The following RPF2 variants were observed in gnomAD, a reference collection of about 807,000 sequenced individuals.
RPF2 encodes brix domain containing 1.
RPF2 carries 21 observed loss-of-function variants against 38.9 expected under a neutral mutation model. The observed-to-expected ratio is 0.54, with a 90% CI of 0.38 to 0.78. The LOEUF is 0.78. Among genes scored for constraint, RPF2 ranks in the 30% least tolerant of loss-of-function variants. RPF2 has a pLI of 0.00. For synonymous variants in RPF2, 121 were observed against 126.2 expected (o/e 0.96, Z 0.28); for missense variants, 314 against 358.1 (o/e 0.88, Z 0.99).
intron 8 of RPF2, among the ~76,000 whole-genome samples, chr6:111,017,293 G>C (rs9400455): frequency 6.7e-6 from 1 of 150,194 alleles, no homozygotes; most frequent in African/African-American, 2.4e-5. Flanking sequence ...CGGACGGGGC[G>C]GCGGCTGGGC....
chr6:111,024,775 G>A (rs920121271), intron 9 of RPF2, among the ~76,000 whole-genome samples: 2 of 150,908 alleles, frequency 1.3e-5, no homozygotes, highest in Non-Finnish European at 2.9e-5. Flanking sequence ...GACTCACAGA[G>A]CCAGGAAAAG....
chr6:111,021,244 G>T (rs1211524135), intron 8 of RPF2, among the ~76,000 whole-genome samples: 1 of 152,096 alleles, frequency 6.6e-6, no homozygotes, highest in African/African-American at 2.4e-5. Context: ...AAATCTGATT[G>T]CTAGAATCAC....
intron 9 of RPF2, 83 bp from the exon 10 acceptor site, chr6:111,025,320 C>T (rs1279389341): frequency 1.7e-5 from 15 of 901,836 alleles, no homozygotes; most frequent in Non-Finnish European, 2.6e-5. Context: ...GAAATTGCTA[C>T]TAAGATAGTT....
chr6:111,026,982 A>T lies in RPF2; in HGVS notation c.*1400A>T, dbSNP rs1173047502. ...CAACCTCCACCTCCCAGGTTCAAGC[A>T]TTCTTCTGCCTCAGCCTCCCGAGTA... On this transcript the variant is annotated 3_prime_UTR_variant, in exon 10 of 10. Transcript: ENST00000441448. The T allele has an allele frequency of 6.6e-6, 1 of 152,188 alleles. No individual in the cohort carries two copies. The highest frequency in any genetic ancestry group is 1.5e-5 in the Non-Finnish European group (1 of 68,080). 9.4% of individuals were successfully genotyped at this position (152,188 alleles called of 1,614,324 possible).
intron 8 of RPF2, among the ~76,000 whole-genome samples, chr6:111,021,268 C>T (rs76264010): frequency 0.016 from 2,383 of 152,190 alleles, 29 homozygotes; most frequent in Non-Finnish European, 0.024. Flanking sequence ...TACACTAGCA[C>T]GACATCTTTC....
intron 1 of RPF2, among the ~76,000 whole-genome samples, chr6:110,984,182 AC>A (rs1771483499): frequency 6.6e-6 from 1 of 152,190 alleles, no homozygotes; most frequent in South Asian, 2.1e-4. Context: ...TTGGAGTGCA[AC>A]AGTGTATACT....
At chr6:110,997,958 G>A (rs1771746921) in intron 5 of RPF2, among the ~76,000 whole-genome samples, 2 of 150,518 alleles carry the variant, frequency 1.3e-5, no homozygotes, top group Non-Finnish European at 3.0e-5. Context: ...AGACTGGAGT[G>A]CAATGGCCCA....
At chr6:111,002,905 A>G (rs1387458884) in intron 6 of RPF2, among the ~76,000 whole-genome samples, 1 of 151,744 alleles carries the variant, frequency 6.6e-6, no homozygotes, top group Non-Finnish European at 1.5e-5. Context: ...AGTAGCCGGG[A>G]TTACAGGCGC....
At chr6:111,007,176 C>T (rs999226932) in intron 6 of RPF2, among the ~76,000 whole-genome samples, 2 of 152,218 alleles carry the variant, frequency 1.3e-5, no homozygotes, top group Non-Finnish European at 2.9e-5. Flanking sequence ...AGCCGTCACA[C>T]CTGGCCTTAA....
chr6:110,995,415 C>G (rs1206388851), intron 4 of RPF2, among the ~76,000 whole-genome samples: 2 of 152,098 alleles, frequency 1.3e-5, no homozygotes, highest in Admixed American at 1.3e-4. Flanking sequence ...TCTGCATCCC[C>G]CACTCTGGTT....
chr6:110,991,699 A>G (rs754918509), intron 3 of RPF2, 48 bp from the exon 4 acceptor site: 14 of 655,710 alleles, frequency 2.1e-5, no homozygotes, highest in Middle Eastern at 4.3e-4. Context: ...TATTAATTGT[A>G]TATACTTATT....
At chr6:111,016,714 T>A (rs1418716293) in intron 8 of RPF2, among the ~76,000 whole-genome samples, 1 of 145,714 alleles carries the variant, frequency 6.9e-6, no homozygotes, top group Non-Finnish European at 1.5e-5. Flanking sequence ...TTGATCATTC[T>A]TGGGTGTTTC....
In RPF2 at chr6:111,027,826, C is replaced by T. The variant is rs1562379324; in HGVS notation, c.*2244C>T. 6.6e-6 allele frequency: 1 copy of T among 152,134 alleles called. No individual in the cohort carries two copies. The allele number at this position is 152,134 out of a possible 1,614,324, so 9.4% of individuals were successfully genotyped here. A position where few individuals can be genotyped will look rare whatever the true frequency, so the allele number is the denominator to read the frequency against. On this transcript the variant is annotated 3_prime_UTR_variant, in exon 10 of 10. Coordinates refer to ENST00000441448, the MANE Select transcript of RPF2 (RefSeq NM_032194.3). ...TAGTATTATTGAAGTCTAACAAAGA[C>T]TTTTTGTTGAGAACACCTTGTAGTG... is the stretch of plus-strand genomic sequence containing the variant.
At chr6:110,992,813 A>G (rs1233994896) in intron 4 of RPF2, among the ~76,000 whole-genome samples, 1 of 152,182 alleles carries the variant, frequency 6.6e-6, no homozygotes, top group East Asian at 1.9e-4. Flanking sequence ...ACAGTAGCTC[A>G]CGCCTGTAAT....
At chr6:110,990,898 TG>T (rs1000212519) in intron 3 of RPF2, among the ~76,000 whole-genome samples, 62 of 152,304 alleles carry the variant, frequency 4.1e-4, no homozygotes, top group African/African-American at 1.4e-3. Flanking sequence ...TTGGTTCCTA[TG>T]ACCTTTCAAC....
intron 5 of RPF2, among the ~76,000 whole-genome samples, chr6:110,997,849 G>A (rs1440459808): frequency 6.6e-6 from 1 of 151,796 alleles, no homozygotes. Context: ...ATATGTGTTG[G>A]TATGCTTCAG....
At position 110,988,159 on chromosome 6, in the gene RPF2, C is replaced by T. The variant is rs117963937; in HGVS notation, c.157-869C>T. ...TTCAGGCTGCAGTAAGCTTTAATCA[C>T]GCCATTGCACTCCAGCCTGGGCAAC... On this transcript the variant is annotated intron_variant, in intron 2 of 9. Transcript: ENST00000441448. Among the ~76,000 whole-genome samples the T allele has an allele frequency of 5.0e-3, 753 of 152,042 alleles. 4 individuals carry two copies. Among genetic ancestry groups the T allele is most frequent in the South Asian group, 9.5e-3 (46 of 4,826 alleles).
chr6:111,022,666 T>C (rs997827060), intron 8 of RPF2, among the ~76,000 whole-genome samples: 1 of 152,250 alleles, frequency 6.6e-6, no homozygotes, highest in Non-Finnish European at 1.5e-5. Flanking sequence ...CCTGAAACTA[T>C]GTACATCTAT....
At chr6:111,010,893 T>C (rs530645599) in intron 7 of RPF2, among the ~76,000 whole-genome samples, 1 of 152,318 alleles carries the variant, frequency 6.6e-6, no homozygotes, top group South Asian at 2.1e-4. Flanking sequence ...CTTGGGATTA[T>C]AATTTTTAGA....
Sources: allele counts gnomAD v4.1 joint callset (sites outside exome capture counted in the v4.1 genomes callset), GRCh38; gene constraint gnomAD v4.1.1; transcripts MANE v1.5; gene names NCBI Gene and HGNC (gene_info 2026-07-23, HGNC 2026-07-21).